The following EXOC4 variants were observed in gnomAD, a reference collection of about 807,000 sequenced individuals.
EXOC4 encodes the protein SEC8-like 1.
Under a neutral mutation model 107.2 loss-of-function variants are expected in EXOC4, and 71 were observed. The observed-to-expected ratio is 0.66, with a 90% CI of 0.55 to 0.81. The LOEUF is 0.81. Ranked by LOEUF, EXOC4 falls within the 30% of genes least tolerant of loss-of-function variation. The pLI is 0.00. For missense variants in EXOC4, 1,108 were observed against 1,189.6 expected (o/e 0.93, Z 1.01); for synonymous variants, 456 against 441.2 (o/e 1.03, Z -0.42).
chr7:133,940,291 T>C (rs1028228499), intron 14 of EXOC4, among the ~76,000 whole-genome samples: 5 of 152,236 alleles, frequency 3.3e-5, no homozygotes, highest in African/African-American at 1.2e-4. Context: ...ACTTTGTAAT[T>C]GCACGATTTA....
At chr7:133,438,319 A>C (rs995740486) in intron 7 of EXOC4, among the ~76,000 whole-genome samples, 1 of 152,012 alleles carries the variant, frequency 6.6e-6, no homozygotes. Context: ...CTGATTCTTT[A>C]ATGTTTGTAC....
chr7:133,365,415 T>G (rs1023214372), intron 6 of EXOC4, among the ~76,000 whole-genome samples: 2 of 152,110 alleles, frequency 1.3e-5, no homozygotes, highest in Non-Finnish European at 2.9e-5. Context: ...TATTTTCTAA[T>G]TTTAGCCACA....
At chr7:133,258,440 T>G (rs1197175892) in intron 1 of EXOC4, among the ~76,000 whole-genome samples, 1 of 152,216 alleles carries the variant, frequency 6.6e-6, no homozygotes, top group Non-Finnish European at 1.5e-5. Context: ...CTTGCTGTAT[T>G]ACCTGTGTAA....
At chr7:134,082,301 A>G in the EXOC4 span, among the ~76,000 whole-genome samples, 1 of 152,186 alleles carries the variant, frequency 6.6e-6, no homozygotes, top group Non-Finnish European at 1.5e-5. Context: ...ATATAGGGTA[A>G]CTTCCTGGTG....
intron 10 of EXOC4, among the ~76,000 whole-genome samples, chr7:133,637,478 G>T (rs1464915780): frequency 6.6e-6 from 1 of 152,146 alleles, no homozygotes; most frequent in Non-Finnish European, 1.5e-5. Flanking sequence ...TGTTCTTAAT[G>T]AGCTAAAGCC....
chr7:133,806,764 C>G lies in EXOC4; in HGVS notation c.1515-10561C>G, dbSNP rs142294914. Among the ~76,000 whole-genome samples, 3 of 152,316 alleles carry G rather than the reference C, an allele frequency of 2.0e-5. No individual in the cohort carries two copies. The East Asian group carries it at 5.8e-4, about 29-fold the overall frequency. On this transcript the variant is annotated intron_variant, in intron 10 of 17. Coordinates refer to ENST00000253861, the MANE Select transcript of EXOC4 (RefSeq NM_021807.4). ...CCAAGGTCAAATTTTGGCCCCATCC[C>G]TTGCTAGCTGTATGACCTTGGGAAA... is the stretch of plus-strand genomic sequence containing the variant.
intron 13 of EXOC4, among the ~76,000 whole-genome samples, chr7:133,926,493 T>C (rs2116677921): frequency 6.6e-6 from 1 of 152,336 alleles, no homozygotes; most frequent in Non-Finnish European, 1.5e-5. Context: ...CCTGATGTAT[T>C]ATATTGTTAC....
chr7:133,254,533 T>G (rs1206234256), intron 1 of EXOC4, among the ~76,000 whole-genome samples: 1 of 152,254 alleles, frequency 6.6e-6, no homozygotes, highest in Non-Finnish European at 1.5e-5. Context: ...TGAACTTGTT[T>G]GTTTTTTCTA....
intron 14 of EXOC4, among the ~76,000 whole-genome samples, chr7:133,939,680 T>A (rs1800383737): frequency 6.6e-6 from 1 of 152,218 alleles, no homozygotes. Flanking sequence ...CTGCTTTTTA[T>A]CTGATGATGA....
chr7:133,868,287 T>G (rs567486574), intron 11 of EXOC4, among the ~76,000 whole-genome samples: 1 of 152,360 alleles, frequency 6.6e-6, no homozygotes, highest in South Asian at 2.1e-4. Flanking sequence ...AATGATTCTC[T>G]AATCTGCCTT....
intron 5 of EXOC4, among the ~76,000 whole-genome samples, 195 bp from the exon 6 acceptor site, chr7:133,356,135 A>T (rs1796015102): frequency 1.3e-5 from 2 of 152,136 alleles, no homozygotes; most frequent in African/African-American, 4.8e-5. Flanking sequence ...TTACTAACTG[A>T]TGGGTATGAT....
intron 10 of EXOC4, among the ~76,000 whole-genome samples, chr7:133,682,269 T>C (rs1462415909): frequency 6.6e-6 from 1 of 152,214 alleles, no homozygotes; most frequent in African/African-American, 2.4e-5. Context: ...ACCAAAGTTG[T>C]AAATTTTTGT....
chr7:133,938,951 C>T (rs1463904613), intron 14 of EXOC4, among the ~76,000 whole-genome samples: 3 of 152,110 alleles, frequency 2.0e-5, no homozygotes, highest in African/African-American at 4.8e-5. Flanking sequence ...TACAAGTGTG[C>T]ACCACCACAC....
chr7:133,516,934 A>T lies in EXOC4; in HGVS notation c.1417+36796A>T, dbSNP rs545210893. ...CATCACATCACAAATAGTAAATGTAAATATACCATTTATACACATCCACCT... is the reference window on the plus strand; with the variant it reads ...CATCACATCACAAATAGTAAATGTATATATACCATTTATACACATCCACCT... On this transcript the variant is annotated intron_variant, in intron 9 of 17. Coordinates refer to ENST00000253861, the MANE Select transcript of EXOC4 (RefSeq NM_021807.4). Among the ~76,000 whole-genome samples the T allele has an allele frequency of 3.3e-5, 5 of 151,780 alleles. No homozygotes were observed. In the South Asian group the frequency reaches 1.0e-3, roughly 32 times the overall value.
intron 10 of EXOC4, among the ~76,000 whole-genome samples, chr7:133,793,800 C>T (rs112719131): frequency 3.2e-4 from 48 of 152,140 alleles, no homozygotes; most frequent in African/African-American, 9.2e-4. Context: ...GCCAAAATCG[C>T]GCCTCTGCAC....
At chr7:133,698,129 A>G (rs1394306933) in intron 10 of EXOC4, among the ~76,000 whole-genome samples, 1 of 147,476 alleles carries the variant, frequency 6.8e-6, no homozygotes, top group Non-Finnish European at 1.5e-5. Context: ...AAAAAAAATT[A>G]TGTTGATTTA....
rs1222176256 is a variant in EXOC4 at position 133,527,879 on chromosome 7, A to G, written c.1417+47741A>G. ...TGTGTGAGAGTGTGATATAGTGGGGAGATATTTACTGTTCATGCTTACTTC... is the reference window on the plus strand; with the variant it reads ...TGTGTGAGAGTGTGATATAGTGGGGGGATATTTACTGTTCATGCTTACTTC... On this transcript the variant is annotated intron_variant, in intron 9 of 17. Transcript: ENST00000253861. Among the ~76,000 whole-genome samples the G allele has an allele frequency of 2.6e-5, 4 of 152,146 alleles. No individual in the cohort carries two copies. The East Asian group carries it at 7.7e-4, about 29-fold the overall frequency.
chr7:133,579,504 T>A (rs1359530736), intron 9 of EXOC4, among the ~76,000 whole-genome samples: 5 of 152,210 alleles, frequency 3.3e-5, no homozygotes, highest in African/African-American at 1.2e-4. Flanking sequence ...CTTAAAAAAA[T>A]TTTTAAGTGT....
intron 9 of EXOC4, among the ~76,000 whole-genome samples, chr7:133,541,075 A>G (rs1020290795): frequency 1.3e-5 from 2 of 152,306 alleles, no homozygotes; most frequent in Non-Finnish European, 2.9e-5. Context: ...ATCTTTGAGA[A>G]AATACATTTT....
Sources: gnomAD v4.1 joint callset for allele counts (sites outside exome capture counted in the v4.1 genomes callset) on GRCh38, gnomAD v4.1.1 for gene constraint, MANE v1.5 for transcripts, NCBI Gene and HGNC (gene_info 2026-07-23, HGNC 2026-07-21) for gene names.